The following TNKS variants were observed in gnomAD, a reference collection of about 807,000 sequenced individuals.
TNKS encodes the protein poly [ADP-ribose] polymerase tankyrase-1.
In TNKS, 72 loss-of-function variants were observed where a neutral mutation model predicts 135.8. The ratio of observed to expected loss-of-function variants is 0.53; its 90% CI spans 0.44 to 0.64. The LOEUF is 0.64. Ranked by LOEUF, TNKS falls within the 30% of genes least tolerant of loss-of-function variation. The pLI, the probability that TNKS is intolerant of heterozygous loss-of-function variation, is 0.00. For synonymous variants in TNKS, 849 were observed against 649.3 expected, an observed-to-expected ratio of 1.31 and a Z score of -4.68; for missense variants, 1,769 against 1,674.0, an observed-to-expected ratio of 1.06 and a Z score of -0.99.
At chr8:9,592,674 A>G (rs1292052642) in intron 2 of TNKS, among the ~76,000 whole-genome samples, 1 of 152,164 alleles carries the variant, frequency 6.6e-6, no homozygotes, top group Non-Finnish European at 1.5e-5. Context: ...TCTATCACTG[A>G]TGTCTAATTA....
intron 1 of TNKS, among the ~76,000 whole-genome samples, chr8:9,579,169 T>A (rs1056089570): frequency 6.6e-6 from 1 of 152,210 alleles, no homozygotes; most frequent in African/African-American, 2.4e-5. Context: ...TCTTATAAAA[T>A]TCTGGTTTTA....
intron 11 of TNKS, among the ~76,000 whole-genome samples, chr8:9,712,104 A>T (rs1804364498): frequency 6.6e-6 from 1 of 152,352 alleles, no homozygotes; most frequent in East Asian, 1.9e-4. Context: ...ATAGTTAACA[A>T]TGCATTTATT....
intron 5 of TNKS, among the ~76,000 whole-genome samples, chr8:9,699,781 CT>C (rs1287971241): frequency 6.6e-6 from 1 of 152,204 alleles, no homozygotes; most frequent in African/African-American, 2.4e-5. Context: ...TGCTCTCTCT[CT>C]TCAGCTTTAT....
At chr8:9,570,859 C>T (rs1797729356) in intron 1 of TNKS, among the ~76,000 whole-genome samples, 2 of 152,160 alleles carry the variant, frequency 1.3e-5, no homozygotes, top group South Asian at 2.1e-4. Context: ...GCCCCGGCTA[C>T]TAGAGAGGCT....
chr8:9,744,487 C>A (rs1207077182), intron 17 of TNKS, among the ~76,000 whole-genome samples: 2 of 152,144 alleles, frequency 1.3e-5, no homozygotes, highest in East Asian at 3.9e-4. Flanking sequence ...CCCTACTTCC[C>A]ACCTTTTTAA....
chr8:9,771,874 C>T (rs373920339), intron 26 of TNKS, among the ~76,000 whole-genome samples: 1 of 1,268 alleles, frequency 7.9e-4, no homozygotes, highest in South Asian at 0.031. Flanking sequence ...GAGAGCGGAA[C>T]GGAGGGAGAA....
intron 5 of TNKS, 90 bp downstream of exon 5, chr8:9,680,890 A>C: frequency 1.1e-6 from 1 of 899,286 alleles, no homozygotes; most frequent in Non-Finnish European, 1.8e-6. Context: ...GTATACCTAC[A>C]TGGCTTTATT....
intron 20 of TNKS, among the ~76,000 whole-genome samples, chr8:9,754,017 A>G (rs1317976857): frequency 2.0e-5 from 3 of 152,196 alleles, no homozygotes; most frequent in Admixed American, 6.5e-5. Context: ...CAGTCTCTGC[A>G]TCCATCTTCA....
chr8:9,746,045 A>G (rs1360368921), intron 17 of TNKS, among the ~76,000 whole-genome samples: 2 of 152,124 alleles, frequency 1.3e-5, no homozygotes, highest in African/African-American at 2.4e-5. Flanking sequence ...GTCTTCCTTA[A>G]AAGCCTCAAT....
chr8:9,674,404 G>GA (rs775536002), intron 3 of TNKS, among the ~76,000 whole-genome samples: 6 of 149,816 alleles, frequency 4.0e-5, no homozygotes, highest in South Asian at 2.1e-4. Flanking sequence ...GTTCAGTAAG[G>GA]AAAAAAAAAG....
chr8:9,659,769 A>G (rs1001481214), intron 3 of TNKS, among the ~76,000 whole-genome samples: 13 of 152,172 alleles, frequency 8.5e-5, no homozygotes, highest in Non-Finnish European at 1.9e-4. Flanking sequence ...GACACAAAAA[A>G]CCGTTCAAAA....
At chr8:9,614,135 G>A (rs1036495588) in intron 2 of TNKS, among the ~76,000 whole-genome samples, 10 of 151,968 alleles carry the variant, frequency 6.6e-5, no homozygotes, top group African/African-American at 2.4e-4. Context: ...AAATCTTCAC[G>A]TTAGAATTTC....
chr8:9,745,225 A>G (rs1319635964), intron 17 of TNKS, among the ~76,000 whole-genome samples: 3 of 152,218 alleles, frequency 2.0e-5, no homozygotes, highest in African/African-American at 4.8e-5. Context: ...GGTGATTTTG[A>G]TAATACCACG....
intron 3 of TNKS, among the ~76,000 whole-genome samples, chr8:9,643,152 C>G (rs1403558748): frequency 6.8e-6 from 1 of 146,438 alleles, no homozygotes; most frequent in Non-Finnish European, 1.5e-5. Context: ...GAAAGAAATA[C>G]ATAAGAACTT....
rs796880837 is a variant in TNKS, at chr8:9,728,499, C to G, written c.2001+1779C>G. On this transcript the variant is annotated intron_variant, in intron 13 of 26. Coordinates refer to ENST00000310430, the MANE Select transcript of TNKS (RefSeq NM_003747.3). ...GTTGTGTTTCATTCCCTACCTATTC[C>G]TATTTTGTCAGTATTCTGACAAATA... Among the ~76,000 whole-genome samples, 4 of 152,120 alleles carry G rather than the reference C, an allele frequency of 2.6e-5. No individual in the cohort carries two copies. In the South Asian group the frequency reaches 8.3e-4, roughly 32 times the overall value.
intron 1 of TNKS, among the ~76,000 whole-genome samples, chr8:9,562,188 G>C (rs1318455346): frequency 7.3e-5 from 11 of 151,584 alleles, no homozygotes; most frequent in Non-Finnish European, 5.9e-5. Context: ...CAGTTTTGTT[G>C]GGTTATCTTT....
chr8:9,576,860 A>G lies in TNKS; in HGVS notation c.674-3299A>G, dbSNP rs1026340359. Among the ~76,000 whole-genome samples, 4 of 152,314 alleles carry G rather than the reference A, an allele frequency of 2.6e-5. No individual in the cohort carries two copies. In the East Asian group the frequency reaches 7.7e-4, roughly 29 times the overall value. ...ATGAAATATATTCTAATCACATAGA[A>G]TATGAAATGCATAATATACAAATAA... On this transcript the variant is annotated intron_variant, in intron 1 of 26. Coordinates refer to ENST00000310430, the MANE Select transcript of TNKS (RefSeq NM_003747.3).
chr8:9,754,231 C>G (rs940673772), intron 20 of TNKS, among the ~76,000 whole-genome samples: 2 of 152,218 alleles, frequency 1.3e-5, no homozygotes, highest in African/African-American at 4.8e-5. Context: ...ATTCAGCCCA[C>G]TACAACATAA....
At chr8:9,739,267 A>G (rs1382886561) in intron 17 of TNKS, among the ~76,000 whole-genome samples, 1 of 62,940 alleles carries the variant, frequency 1.6e-5, no homozygotes, top group Non-Finnish European at 3.2e-5. Context: ...CACTTCTCAA[A>G]AGAAGACATT....
Sources: allele counts gnomAD v4.1 joint callset (sites outside exome capture counted in the v4.1 genomes callset), GRCh38; gene constraint gnomAD v4.1.1; transcripts MANE v1.5; gene names NCBI Gene and HGNC (gene_info 2026-07-23, HGNC 2026-07-21).